KIAA1549L: variants seen among roughly 807,000 people sequenced by gnomAD.
KIAA1549L encodes UPF0606 protein KIAA1549L.
KIAA1549L carries 88 observed loss-of-function variants against 160.7 expected under a neutral mutation model. The ratio of observed to expected loss-of-function variants is 0.55; its 90% CI spans 0.46 to 0.65. KIAA1549L has a LOEUF of 0.65. KIAA1549L is among the 30% of genes least tolerant of loss of function. The probability of loss-of-function intolerance (pLI) is 0.00; values close to 1 mark genes in which losing one functional copy is unlikely to be tolerated. For synonymous variants in KIAA1549L, 950 were observed against 976.7 expected, an observed-to-expected ratio of 0.97 and a Z score of 0.51; for missense variants, 2,258 against 2,437.5, an observed-to-expected ratio of 0.93 and a Z score of 1.55.
chr11:33,502,416 CGTG>C (rs984852929), intron 1 of KIAA1549L, among the ~76,000 whole-genome samples: 1 of 152,160 alleles, frequency 6.6e-6, no homozygotes, highest in Non-Finnish European at 1.5e-5. Flanking sequence ...GGAAAAGAAA[CGTG>C]GTGATATTTG....
At chr11:33,468,273 A>T (rs778518950) in intron 1 of KIAA1549L, among the ~76,000 whole-genome samples, 1 of 152,368 alleles carries the variant, frequency 6.6e-6, no homozygotes, top group East Asian at 1.9e-4. Flanking sequence ...TTCTCCTGTC[A>T]GTAGTTTCCA....
At chr11:33,603,937 A>G (rs1299380837) in intron 13 of KIAA1549L, among the ~76,000 whole-genome samples, 2 of 152,182 alleles carry the variant, frequency 1.3e-5, no homozygotes, top group African/African-American at 2.4e-5. Flanking sequence ...CCTTGGTTTT[A>G]TTCTGACAGA....
chr11:33,550,363 C>T (rs1382968391), intron 4 of KIAA1549L, among the ~76,000 whole-genome samples: 1 of 151,170 alleles, frequency 6.6e-6, no homozygotes, highest in Non-Finnish European at 1.5e-5. Context: ...AAACCCTGAA[C>T]TGTAAATATG....
Position 33,588,757 on chromosome 11 carries a change from C to T in KIAA1549L, c.4567-2480C>T, listed in dbSNP as rs143320413. ...CCCTCAGCAAACCCTATTTCAGAAACGCAGTTCCAGGTCCTGGCCTCAGAA... is the reference window on the plus strand; with the variant it reads ...CCCTCAGCAAACCCTATTTCAGAAATGCAGTTCCAGGTCCTGGCCTCAGAA... On this transcript the variant is annotated intron_variant, in intron 11 of 20. Coordinates refer to ENST00000658780, the MANE Select transcript of KIAA1549L (RefSeq NM_012194.3). Among the ~76,000 whole-genome samples the T allele has an allele frequency of 5.3e-5, 8 of 152,266 alleles. No homozygotes were observed. In the East Asian group the frequency reaches 7.7e-4, roughly 15 times the overall value.
intron 1 of KIAA1549L, among the ~76,000 whole-genome samples, chr11:33,482,505 C>T (rs1054795227): frequency 2.6e-5 from 4 of 151,304 alleles, no homozygotes; most frequent in African/African-American, 7.3e-5. Context: ...GAATTTTACT[C>T]GGTTCCTTTT....
At chr11:33,523,998 A>G (rs1853556483) in intron 1 of KIAA1549L, among the ~76,000 whole-genome samples, 1 of 152,168 alleles carries the variant, frequency 6.6e-6, no homozygotes, top group African/African-American at 2.4e-5. Flanking sequence ...CTGGTTTCAT[A>G]AAATGAATTG....
chr11:33,523,709 C>T (rs4755689), intron 1 of KIAA1549L, among the ~76,000 whole-genome samples: 30,816 of 152,014 alleles, frequency 0.2, 3,397 homozygotes, highest in East Asian at 0.34. Flanking sequence ...GTCTTACATT[C>T]GTTTGTGTGT....
chr11:33,574,718 G>A lies in KIAA1549L; in HGVS notation c.4247G>A (p.Arg1416His), dbSNP rs1169146201. ...SYTVQMVKMQ[R>H]VPGPKDPAEL... is the part of the protein sequence containing the mutation. Reference sequence around the variant, plus strand: ...TTCCGAAAGATGGTGAAGATGCAGCGTGTCCCAGGCCCGAAGGACCCAGCG... The same window carrying A: ...TTCCGAAAGATGGTGAAGATGCAGCATGTCCCAGGCCCGAAGGACCCAGCG... The change falls in exon 10 of 21, where the codon CGT (arginine) becomes CAT (histidine). Residue 1416 changes from arginine (R) to histidine (H), a missense_variant. Arg to His is a conservative substitution (Grantham distance 29). Around this residue, in one of 6 missense-constraint regions of KIAA1549L, gnomAD observed 1,359 missense variants for 1,546.6 expected, o/e 0.88. Transcript: ENST00000658780. 6 of 1,610,848 alleles carry A rather than the reference G, an allele frequency of 3.7e-6. No homozygotes were observed. Among genetic ancestry groups the A allele is most frequent in the African/African-American group, 1.3e-5 (1 of 74,944 alleles).
intron 19 of KIAA1549L, among the ~76,000 whole-genome samples, chr11:33,659,203 A>AC (rs1219282069): frequency 1.3e-5 from 2 of 151,866 alleles, no homozygotes; most frequent in Non-Finnish European, 2.9e-5. Context: ...ACAGCCATCC[A>AC]CCCCCATTTC....
intron 1 of KIAA1549L, among the ~76,000 whole-genome samples, chr11:33,508,589 G>A (rs1385575646): frequency 6.6e-6 from 1 of 152,174 alleles, no homozygotes; most frequent in Admixed American, 6.5e-5. Context: ...CCCAGGCTTT[G>A]GGCAATGTAC....
intron 13 of KIAA1549L, among the ~76,000 whole-genome samples, chr11:33,604,064 G>A (rs1359066677): frequency 6.6e-6 from 1 of 152,082 alleles, no homozygotes; most frequent in African/African-American, 2.4e-5. Context: ...GGGAGAAGAG[G>A]GAAAGCTCAG....
intron 1 of KIAA1549L, among the ~76,000 whole-genome samples, chr11:33,438,847 G>GT (rs35955927): frequency 0.013 from 1,823 of 139,560 alleles, 9 homozygotes; most frequent in Non-Finnish European, 0.015. Context: ...GGATTTGAAG[G>GT]TTTTTTTTTT....
In KIAA1549L at chr11:33,511,179, C is replaced by T. The variant is rs1231552765; in HGVS notation, c.239-30623C>T. On this transcript the variant is annotated intron_variant, in intron 1 of 20. Transcript: ENST00000658780. ...CTGTTTCTCCAGCCAAGCACAGGCACGGCTGTGTTGGCTTTTGTCTGCAGT... is the reference window on the plus strand; with the variant it reads ...CTGTTTCTCCAGCCAAGCACAGGCATGGCTGTGTTGGCTTTTGTCTGCAGT... Among the ~76,000 whole-genome samples, 6 of 152,302 alleles carry T rather than the reference C, an allele frequency of 3.9e-5. No individual in the cohort carries two copies. In the East Asian group the frequency reaches 5.8e-4, roughly 15 times the overall value.
chr11:33,449,738 C>T (rs1363191950), intron 1 of KIAA1549L, among the ~76,000 whole-genome samples: 2 of 152,112 alleles, frequency 1.3e-5, no homozygotes, highest in African/African-American at 4.8e-5. Context: ...CTTTGTGGGA[C>T]GCTGCCTGTG....
chr11:33,559,683 C>T (rs1294877900), intron 6 of KIAA1549L, 66 bp from the exon 7 acceptor site: 4 of 1,426,828 alleles, frequency 2.8e-6, no homozygotes, highest in Non-Finnish European at 3.9e-6. Context: ...CTCCCATGGC[C>T]TCCATGAAAC....
chr11:33,615,368 A>G (rs1850781396), intron 15 of KIAA1549L, among the ~76,000 whole-genome samples: 1 of 152,222 alleles, frequency 6.6e-6, no homozygotes, highest in Non-Finnish European at 1.5e-5. Context: ...ACTCATCATT[A>G]CCCACCCAGC....
chr11:33,421,747 G>A (rs1451377710), intron 1 of KIAA1549L, among the ~76,000 whole-genome samples: 1 of 152,178 alleles, frequency 6.6e-6, no homozygotes, highest in Non-Finnish European at 1.5e-5. Flanking sequence ...GGATGGAGTT[G>A]GTGGGAGTTT....
intron 10 of KIAA1549L, 71 bp downstream of exon 10, chr11:33,574,944 C>T (rs1855396990): frequency 7.5e-7 from 1 of 1,332,674 alleles, no homozygotes. Flanking sequence ...AAATGATTCC[C>T]CAAAATCATG....
chr11:33,397,311 G>C (rs1004648107), intron 1 of KIAA1549L, among the ~76,000 whole-genome samples: 13 of 142,986 alleles, frequency 9.1e-5, no homozygotes, highest in Non-Finnish European at 1.8e-4. Flanking sequence ...TCCAGCCTTG[G>C]TGATGAGGTG....
Sources: gnomAD v4.1 joint callset for allele counts (sites outside exome capture counted in the v4.1 genomes callset) on GRCh38, gnomAD v4.1.1 for gene constraint, gnomAD v4.1.1 regional missense constraint, MANE v1.5 for transcripts, NCBI Gene and HGNC (gene_info 2026-07-23, HGNC 2026-07-21) for gene names.